The following METTL15 variants were observed in gnomAD, a reference collection of about 807,000 sequenced individuals.
The protein encoded by METTL15 is methyltransferase 15, mitochondrial 12S rRNA N4-cytidine.
A neutral mutation model predicts 38.3 loss-of-function variants in METTL15; 34 were observed. That is an observed-to-expected ratio of 0.89 (90% CI 0.68 to 1.18). The LOEUF (loss-of-function observed/expected upper bound fraction) is 1.18. Ranked by LOEUF, METTL15 falls within the 50% of genes most tolerant of loss-of-function variation. METTL15 has a pLI of 0.00. For synonymous variants in METTL15, 162 were observed against 170.9 expected, an observed-to-expected ratio of 0.95 and a Z score of 0.41; for missense variants, 438 against 498.4, an observed-to-expected ratio of 0.88 and a Z score of 1.15.
At chr11:28,455,708 T>C (rs1348603038) in intron 6 of METTL15, among the ~76,000 whole-genome samples, 1 of 152,180 alleles carries the variant, frequency 6.6e-6, no homozygotes, top group African/African-American at 2.4e-5. Flanking sequence ...ATTTATTTTA[T>C]TTTATTTTAT....
intron 4 of METTL15, among the ~76,000 whole-genome samples, chr11:28,268,782 G>A (rs1371403050): frequency 6.6e-6 from 1 of 152,010 alleles, no homozygotes; most frequent in South Asian, 2.1e-4. Context: ...TCCCTGATTA[G>A]GATATTATTA....
chr11:28,270,325 A>G (rs1427309675), intron 4 of METTL15, among the ~76,000 whole-genome samples: 2 of 152,204 alleles, frequency 1.3e-5, no homozygotes, highest in Non-Finnish European at 2.9e-5. Context: ...GGAATAGCTA[A>G]ATCATCTAAT....
intron 4 of METTL15, among the ~76,000 whole-genome samples, chr11:28,360,646 A>G (rs1850128738): frequency 6.6e-6 from 1 of 152,092 alleles, no homozygotes; most frequent in African/African-American, 2.4e-5. Flanking sequence ...CACGATGTGT[A>G]AAGTGTCTCT....
intron 4 of METTL15, among the ~76,000 whole-genome samples, chr11:28,223,434 G>A (rs1853335799): frequency 6.6e-6 from 1 of 152,222 alleles, no homozygotes; most frequent in South Asian, 2.1e-4. Context: ...TCGATCAATG[G>A]ATAGTTGGTT....
chr11:28,115,430 G>T (rs542997856), intron 3 of METTL15, among the ~76,000 whole-genome samples: 1 of 151,836 alleles, frequency 6.6e-6, no homozygotes, highest in Non-Finnish European at 1.5e-5. Flanking sequence ...GGCTAATTTC[G>T]TATTTTTAGT....
intron 3 of METTL15, among the ~76,000 whole-genome samples, chr11:28,344,894 C>T (rs546614541): frequency 5.9e-5 from 9 of 152,150 alleles, no homozygotes; most frequent in South Asian, 2.1e-4. Flanking sequence ...TAAAATGAAA[C>T]GTGAAATTAA....
At chr11:28,290,420 A>G in intron 5 of METTL15, 23 bp downstream of exon 5, 8 of 1,574,488 alleles carry the variant, frequency 5.1e-6, no homozygotes, top group South Asian at 1.2e-5. Flanking sequence ...AAAGCATTTC[A>G]TCTCACAACA....
At chr11:28,313,734 T>C (rs1020923160) in intron 6 of METTL15, among the ~76,000 whole-genome samples, 2 of 151,990 alleles carry the variant, frequency 1.3e-5, no homozygotes, top group African/African-American at 4.8e-5. Flanking sequence ...ATACTAGATA[T>C]CAGTAGAGAT....
intron 6 of METTL15, among the ~76,000 whole-genome samples, chr11:28,505,383 C>T (rs535848010): frequency 1.2e-4 from 18 of 152,278 alleles, no homozygotes; most frequent in Admixed American, 1.0e-3. Context: ...TTTACTGACA[C>T]GGATGTGTAA....
intron 5 of METTL15, among the ~76,000 whole-genome samples, chr11:28,371,158 C>T (rs1850239467): frequency 6.6e-6 from 1 of 151,970 alleles, no homozygotes; most frequent in Non-Finnish European, 1.5e-5. Context: ...CCAATGTTTT[C>T]TTCTAATGGT....
intron 3 of METTL15, chr11:28,144,799 T>C (rs2133671130): frequency 6.5e-6 from 1 of 153,338 alleles, no homozygotes; most frequent in East Asian, 1.9e-4. Context: ...GATTATACTT[T>C]TTATTGACAC....
chr11:28,504,049 T>A (rs1851606856), intron 6 of METTL15, among the ~76,000 whole-genome samples: 1 of 151,054 alleles, frequency 6.6e-6, no homozygotes, highest in African/African-American at 2.4e-5. Flanking sequence ...ATACAAAAAA[T>A]TAGCTGGGCG....
intron 4 of METTL15, among the ~76,000 whole-genome samples, chr11:28,243,645 C>T (rs1854393220): frequency 6.6e-6 from 1 of 152,036 alleles, no homozygotes; most frequent in African/African-American, 2.4e-5. Context: ...CCAGGATCTC[C>T]AAGTACATTA....
intron 5 of METTL15, among the ~76,000 whole-genome samples, chr11:28,396,035 A>G (rs1156526846): frequency 7.9e-5 from 12 of 152,200 alleles, no homozygotes; most frequent in Non-Finnish European, 1.5e-5. Context: ...GGCCTTTGAC[A>G]AAATTCAACA....
intron 3 of METTL15, among the ~76,000 whole-genome samples, chr11:28,348,917 CTCATCA>C (rs1337443608): frequency 6.6e-6 from 1 of 152,054 alleles, no homozygotes; most frequent in Admixed American, 6.6e-5. Flanking sequence ...GTGTTCCAGG[CTCATCA>C]CATTCTCAGC....
At chr11:28,130,973 C>T (rs1017187969) in intron 3 of METTL15, among the ~76,000 whole-genome samples, 4 of 152,064 alleles carry the variant, frequency 2.6e-5, no homozygotes, top group African/African-American at 9.7e-5. Context: ...TCATGGAGAC[C>T]TTGGATCAGT....
intron 4 of METTL15, chr11:28,287,696 A>G (rs1423031815): frequency 1.3e-5 from 2 of 152,572 alleles, no homozygotes; most frequent in Non-Finnish European, 2.9e-5. Flanking sequence ...TTTTTTCTCA[A>G]ATAGCCTAGC....
chr11:28,176,801 T>C (rs1379424964), intron 3 of METTL15, among the ~76,000 whole-genome samples: 1 of 152,094 alleles, frequency 6.6e-6, no homozygotes, highest in East Asian at 1.9e-4. Flanking sequence ...ATGATATTAC[T>C]GTGTATGGTT....
At chr11:28,348,458 C>G (rs1850014904) in intron 3 of METTL15, among the ~76,000 whole-genome samples, 1 of 152,126 alleles carries the variant, frequency 6.6e-6, no homozygotes, top group Admixed American at 6.5e-5. Context: ...GCCTCAGCCT[C>G]CTGGACTCAA....
Sources: allele counts gnomAD v4.1 joint callset (sites outside exome capture counted in the v4.1 genomes callset), GRCh38; gene constraint gnomAD v4.1.1; transcripts MANE v1.5; gene names NCBI Gene and HGNC (gene_info 2026-07-23, HGNC 2026-07-21).